The following CSMD1 variants were observed in gnomAD, a reference collection of about 807,000 sequenced individuals.
CSMD1 encodes the protein CUB and Sushi multiple domains 1.
Under a neutral mutation model 417.5 loss-of-function variants are expected in CSMD1, and 213 were observed. The ratio of observed to expected loss-of-function variants is 0.51; its 90% confidence interval spans 0.46 to 0.57. The LOEUF is 0.57. Among genes scored for constraint, CSMD1 ranks in the 20% least tolerant of loss-of-function variants. The pLI is 0.00. For synonymous variants in CSMD1, 2,862 were observed against 1,736.8 expected (o/e 1.65, Z -16.11); for missense variants, 6,923 against 4,529.7 (o/e 1.53, Z -15.17).
At position 4,838,151 on chromosome 8, in the gene CSMD1, C is replaced by T. The variant is rs759635815; in HGVS notation, c.85+156181G>A. On this transcript the variant is annotated intron_variant, in intron 1 of 69. Transcript: ENST00000635120. ...TTTTTAAAGCAAGGGGGAAATATAGCTTTCTGCTACTTGTGGAAGTTAGCT... is the reference window on the plus strand; with the variant it reads ...TTTTTAAAGCAAGGGGGAAATATAGTTTTCTGCTACTTGTGGAAGTTAGCT... Among the ~76,000 whole-genome samples the T allele has an allele frequency of 3.2e-4, 48 of 152,094 alleles. 1 individual carries two copies. Among genetic ancestry groups the T allele is most frequent in the Admixed American group, 1.8e-3 (27 of 15,272 alleles).
At chr8:4,260,130 T>C (rs962239809) in intron 3 of CSMD1, among the ~76,000 whole-genome samples, 2 of 152,186 alleles carry the variant, frequency 1.3e-5, no homozygotes, top group African/African-American at 4.8e-5. Flanking sequence ...GCTAAGTCAA[T>C]GCACCTGATC....
chr8:3,209,261 T>C (rs1797466499), intron 30 of CSMD1, among the ~76,000 whole-genome samples: 1 of 150,916 alleles, frequency 6.6e-6, no homozygotes, highest in Non-Finnish European at 1.5e-5. Flanking sequence ...TAGAAAAATA[T>C]GGATAGAATT....
At chr8:4,280,546 A>G (rs957258944) in intron 3 of CSMD1, among the ~76,000 whole-genome samples, 1 of 152,352 alleles carries the variant, frequency 6.6e-6, no homozygotes, top group Non-Finnish European at 1.5e-5. Flanking sequence ...ACATTTGCAT[A>G]TCAACACTGT....
chr8:4,186,481 A>C (rs895766884), intron 3 of CSMD1, among the ~76,000 whole-genome samples: 10 of 152,126 alleles, frequency 6.6e-5, no homozygotes, highest in Admixed American at 4.6e-4. Context: ...TAAGGAAAAT[A>C]AATAAATAAA....
At chr8:3,735,900 A>G (rs1056362734) in intron 6 of CSMD1, among the ~76,000 whole-genome samples, 2 of 152,316 alleles carry the variant, frequency 1.3e-5, no homozygotes, top group African/African-American at 4.8e-5. Flanking sequence ...TATAAATAAA[A>G]CAGACAAAAA....
Position 4,444,631 on chromosome 8 carries a change from A to G in CSMD1, c.303-24566T>C, listed in dbSNP as rs141438961. ...CAAGGGATAGATGCCATCTGTAAAC[A>G]TGGTTATTATCATTCAGGGCATGAT... On this transcript the variant is annotated intron_variant, in intron 2 of 69. Transcript: ENST00000635120. Among the ~76,000 whole-genome samples, 339 of 152,292 alleles carry G rather than the reference A, an allele frequency of 2.2e-3. 2 individuals carry two copies. The highest frequency in any genetic ancestry group is 7.5e-3 in the African/African-American group (311 of 41,556).
intron 23 of CSMD1, among the ~76,000 whole-genome samples, chr8:3,339,705 C>G (rs755098224): frequency 5.3e-5 from 8 of 152,152 alleles, no homozygotes; most frequent in Non-Finnish European, 1.0e-4. Context: ...CTCAGTGTCA[C>G]CAGGGAATAC....
chr8:4,341,499 TCATGAATGTGG>T (rs1259376425), intron 3 of CSMD1, among the ~76,000 whole-genome samples: 1 of 152,114 alleles, frequency 6.6e-6, no homozygotes, highest in African/African-American at 2.4e-5. Context: ...ACTCTGCATA[TCATGAATGTGG>T]CCCTTTCTAG....
chr8:4,030,549 G>A (rs191239143), intron 4 of CSMD1, among the ~76,000 whole-genome samples: 92 of 152,246 alleles, frequency 6.0e-4, no homozygotes, highest in African/African-American at 2.2e-3. Context: ...GGGGACCCTT[G>A]GCCCGGCCCT....
intron 1 of CSMD1, among the ~76,000 whole-genome samples, chr8:4,792,587 A>T (rs1018453336): frequency 3.3e-5 from 5 of 152,188 alleles, no homozygotes; most frequent in Non-Finnish European, 1.5e-5. Context: ...CGTCCATGCA[A>T]GAAACTGTTG....
chr8:4,079,790 C>A lies in CSMD1; in HGVS notation c.416-47691G>T, dbSNP rs145546473. ...TTAATAACCCATGTTCTCTTTTCAT[C>A]AGGTTAGTAGCAGGGAGTGACATCA... On this transcript the variant is annotated intron_variant, in intron 3 of 69. Transcript: ENST00000635120. Among the ~76,000 whole-genome samples, 630 of 152,138 alleles carry A rather than the reference C, an allele frequency of 4.1e-3. 6 individuals are homozygous for A. Among genetic ancestry groups the A allele is most frequent in the African/African-American group, 0.014 (591 of 41,500 alleles).
At chr8:4,120,536 G>A (rs1046974350) in intron 3 of CSMD1, among the ~76,000 whole-genome samples, 8 of 151,994 alleles carry the variant, frequency 5.3e-5, no homozygotes, top group African/African-American at 1.7e-4. Flanking sequence ...GGCATCTTCT[G>A]GCGATAAGGG....
Position 3,618,437 on chromosome 8 carries a change from T to C in CSMD1, c.1010-1640A>G, listed in dbSNP as rs151290799. Among the ~76,000 whole-genome samples the C allele has an allele frequency of 3.3e-3, 508 of 152,230 alleles. 4 individuals are homozygous for C. Among genetic ancestry groups the C allele is most frequent in the African/African-American group, 0.012 (491 of 41,494 alleles). ...TCACTATTCCAAACGGGTTAAGATA[T>C]TTTTTAGGTATTTTTATTTCTTTTT... On this transcript the variant is annotated intron_variant, in intron 7 of 69. Coordinates refer to ENST00000635120, the MANE Select transcript of CSMD1 (RefSeq NM_033225.6).
intron 3 of CSMD1, among the ~76,000 whole-genome samples, chr8:4,264,449 T>C (rs959452014): frequency 1.3e-5 from 2 of 152,180 alleles, no homozygotes; most frequent in African/African-American, 2.4e-5. Flanking sequence ...AAATTACTGG[T>C]ACACAAATTT....
intron 1 of CSMD1, among the ~76,000 whole-genome samples, chr8:4,913,617 G>C (rs1388252843): frequency 6.6e-6 from 1 of 152,308 alleles, no homozygotes; most frequent in African/African-American, 2.4e-5. Context: ...TTTGCAGTAG[G>C]TGTTGCTGGA....
intron 12 of CSMD1, among the ~76,000 whole-genome samples, chr8:3,419,482 A>G (rs910491751): frequency 6.6e-6 from 1 of 152,180 alleles, no homozygotes; most frequent in Non-Finnish European, 1.5e-5. Context: ...AAATAAGCAT[A>G]TACACTGATT....
chr8:4,967,477 G>A (rs55958298), intron 1 of CSMD1, among the ~76,000 whole-genome samples: 7,552 of 152,160 alleles, frequency 0.05, 233 homozygotes, highest in Middle Eastern at 0.15. Context: ...AATATATTAG[G>A]TGTTCTATGT....
intron 3 of CSMD1, among the ~76,000 whole-genome samples, chr8:4,082,852 G>A (rs935257458): frequency 1.4e-5 from 2 of 145,498 alleles, no homozygotes; most frequent in African/African-American, 2.6e-5. Context: ...CCTATGAGTG[G>A]GAACATGCGG....
chr8:4,906,811 G>A lies in CSMD1; in HGVS notation c.85+87521C>T, dbSNP rs951413577. Among the ~76,000 whole-genome samples, 5 of 152,162 alleles carry A rather than the reference G, an allele frequency of 3.3e-5. No individual in the cohort carries two copies. In the South Asian group the frequency reaches 6.2e-4, roughly 19 times the overall value. The stretch of plus-strand genomic sequence containing the variant: ...TTGACCTCGTGATCTGCCTGCCTCG[G>A]CCTCCCATAGTGCTGAGATTACAGG... On this transcript the variant is annotated intron_variant, in intron 1 of 69. Coordinates refer to ENST00000635120, the MANE Select transcript of CSMD1 (RefSeq NM_033225.6).
Sources: allele counts gnomAD v4.1 joint callset (sites outside exome capture counted in the v4.1 genomes callset), GRCh38; gene constraint gnomAD v4.1.1; transcripts MANE v1.5; gene names NCBI Gene and HGNC (gene_info 2026-07-23, HGNC 2026-07-21).